The following ANK2 variants were observed in gnomAD, a reference collection of about 807,000 sequenced individuals.
ANK2 encodes ankyrin-2.
Under a neutral mutation model 360.5 loss-of-function variants are expected in ANK2, and 83 were observed. The ratio of observed to expected loss-of-function variants is 0.23; its 90% CI spans 0.19 to 0.28. The LOEUF (loss-of-function observed/expected upper bound fraction) is 0.28, where lower values mean the gene tolerates loss of function less well. Among genes scored for constraint, ANK2 ranks in the 10% least tolerant of loss-of-function variants. The pLI, the probability that ANK2 is intolerant of heterozygous loss-of-function variation, is 1.00. For synonymous variants in ANK2, 1,740 were observed against 1,759.5 expected (o/e 0.99, Z 0.28); for missense variants, 4,201 against 4,795.7 (o/e 0.88, Z 3.66).
At chr4:112,839,662 G>A (rs1329191196) in intron 1 of ANK2, among the ~76,000 whole-genome samples, 1 of 152,176 alleles carries the variant, frequency 6.6e-6, no homozygotes, top group Non-Finnish European at 1.5e-5. Flanking sequence ...GAAGTGTAAA[G>A]TAAAGGGAAA....
intron 1 of ANK2, among the ~76,000 whole-genome samples, chr4:113,165,341 A>T (rs1372057339): frequency 6.6e-6 from 1 of 152,192 alleles, no homozygotes; most frequent in Non-Finnish European, 1.5e-5. Context: ...TTAAATATCC[A>T]ATGTGGAGCT....
chr4:113,191,715 A>G lies in ANK2; in HGVS notation c.187-4653A>G, dbSNP rs113535695. ...CTTACATTTGTTTTTTACTTCACAA[A>G]TTACAAACAGAATTAACCTACATTG... On this transcript the variant is annotated intron_variant, in intron 2 of 45. Coordinates refer to ENST00000357077, the MANE Select transcript of ANK2 (RefSeq NM_001148.6). Among the ~76,000 whole-genome samples, 13 of 152,330 alleles carry G rather than the reference A, an allele frequency of 8.5e-5. 2 individuals carry two copies. Among genetic ancestry groups the G allele is most frequent in the African/African-American group, 2.9e-4 (12 of 41,572 alleles).
intron 1 of ANK2, among the ~76,000 whole-genome samples, chr4:113,129,771 C>T (rs2095891949): frequency 6.6e-6 from 1 of 152,090 alleles, no homozygotes; most frequent in Non-Finnish European, 1.5e-5. Flanking sequence ...TGATGTAATG[C>T]ATTTCTTATT....
intron 34 of ANK2, among the ~76,000 whole-genome samples, chr4:113,343,585 T>C (rs1020358872): frequency 6.6e-6 from 1 of 152,200 alleles, no homozygotes; most frequent in African/African-American, 2.4e-5. Context: ...TTATCTGCAA[T>C]AGAGCTATAG....
At chr4:113,258,277 G>A (rs373330223) in intron 12 of ANK2, 36 bp from the exon 13 acceptor site, 120 of 1,604,956 alleles carry the variant, frequency 7.5e-5, no homozygotes, top group Non-Finnish European at 9.6e-5. Context: ...CCCCACCGGT[G>A]CAGAGGAGTA....
chr4:113,072,339 G>A (rs1380646465), intron 1 of ANK2, among the ~76,000 whole-genome samples: 1 of 152,228 alleles, frequency 6.6e-6, no homozygotes, highest in African/African-American at 2.4e-5. Context: ...TCTCCAGCAT[G>A]TAGGGATGAT....
At chr4:113,332,944 C>G in intron 28 of ANK2, 110 bp from the exon 29 acceptor site, 4 of 1,527,782 alleles carry the variant, frequency 2.6e-6, no homozygotes, top group South Asian at 2.3e-5. Flanking sequence ...CACTATGTCC[C>G]TGTCCCCAGC....
At chr4:113,047,169 T>C (rs2064780933), upstream of ANK2, among the ~76,000 whole-genome samples, 1 of 152,248 alleles carries the variant, frequency 6.6e-6, no homozygotes, top group Admixed American at 6.5e-5. Flanking sequence ...CTATTCTGTT[T>C]GCCTAGAATA....
At chr4:113,190,757 A>C (rs2098647734) in intron 2 of ANK2, among the ~76,000 whole-genome samples, 1 of 152,174 alleles carries the variant, frequency 6.6e-6, no homozygotes, top group Admixed American at 6.5e-5. Flanking sequence ...TATATGAATT[A>C]ATGCAATTAA....
At chr4:113,125,968 G>C (rs1021108864) in intron 1 of ANK2, among the ~76,000 whole-genome samples, 1 of 152,162 alleles carries the variant, frequency 6.6e-6, no homozygotes, top group African/African-American at 2.4e-5. Context: ...TCCTGTTGTG[G>C]TGCATGAAAT....
intron 2 of ANK2, among the ~76,000 whole-genome samples, chr4:112,983,965 C>T (rs147746468): frequency 3.1e-4 from 47 of 152,210 alleles, no homozygotes; most frequent in Admixed American, 2.2e-3. Context: ...GTCTGATTAA[C>T]AGAATTTATC....
At chr4:112,926,359 C>A (rs932116202) in intron 2 of ANK2, among the ~76,000 whole-genome samples, 1 of 152,148 alleles carries the variant, frequency 6.6e-6, no homozygotes, top group Non-Finnish European at 1.5e-5. Context: ...TAAAAAAGAT[C>A]TTTTCCTGTC....
chr4:112,961,519 T>C (rs759079839), intron 2 of ANK2, among the ~76,000 whole-genome samples: 11 of 152,182 alleles, frequency 7.2e-5, no homozygotes, highest in African/African-American at 2.4e-4. Context: ...CTTTAATGTG[T>C]TTTAAATACC....
At chr4:113,280,867 G>T (rs2062029205) in intron 17 of ANK2, among the ~76,000 whole-genome samples, 1 of 152,176 alleles carries the variant, frequency 6.6e-6, no homozygotes, top group Admixed American at 6.5e-5. Flanking sequence ...TGTAGGCAGT[G>T]GGGTAACTAA....
chr4:112,911,711 T>TATATA (rs908927496), intron 2 of ANK2, among the ~76,000 whole-genome samples: 58 of 152,350 alleles, frequency 3.8e-4, no homozygotes, highest in African/African-American at 1.3e-3. Context: ...AAAGTTGCTC[T>TATATA]ATATATTTTG....
At chr4:112,779,947 G>T in the ANK2 span, among the ~76,000 whole-genome samples, 1 of 152,158 alleles carries the variant, frequency 6.6e-6, no homozygotes, top group Non-Finnish European at 1.5e-5. Context: ...AGTGAGCCAG[G>T]TGTGGTGGTT....
At chr4:113,017,553 C>A (rs1256770479) in intron 2 of ANK2, among the ~76,000 whole-genome samples, 1 of 152,188 alleles carries the variant, frequency 6.6e-6, no homozygotes, top group Admixed American at 6.5e-5. Context: ...AGTCAACTGA[C>A]TCTCCCTTTG....
intron 1 of ANK2, among the ~76,000 whole-genome samples, chr4:113,076,091 C>T (rs1467400188): frequency 6.6e-6 from 1 of 152,158 alleles, no homozygotes. Flanking sequence ...ACAAAAAACA[C>T]ATTGCTTTAA....
At chr4:112,770,711 C>CAAAA in the ANK2 span, among the ~76,000 whole-genome samples, 3 of 121,576 alleles carry the variant, frequency 2.5e-5, no homozygotes, top group Non-Finnish European at 1.7e-5. Context: ...CTCTCTCTCT[C>CAAAA]AAAAAAAAAA....
Sources: allele counts gnomAD v4.1 joint callset (sites outside exome capture counted in the v4.1 genomes callset), GRCh38; gene constraint gnomAD v4.1.1; transcripts MANE v1.5; gene names NCBI Gene and HGNC (gene_info 2026-07-23, HGNC 2026-07-21).